Variants in ABL2 observed in about 807,000 individuals in gnomAD.
ABL2 encodes the protein tyrosine-protein kinase ABL2.
In ABL2, 49 loss-of-function variants were observed where a neutral mutation model predicts 107.7. The ratio of observed to expected loss-of-function variants is 0.45; its 90% CI spans 0.36 to 0.58. The LOEUF is 0.58. Ranked by LOEUF, ABL2 falls within the 20% of genes least tolerant of loss-of-function variation. The pLI is 0.00. For synonymous variants in ABL2, 549 were observed against 548.6 expected, an observed-to-expected ratio of 1.00 and a Z score of -0.01; for missense variants, 1,245 against 1,457.0, an observed-to-expected ratio of 0.85 and a Z score of 2.37.
chr1:179,129,962 C>G (rs933858170), intron 3 of ABL2, among the ~76,000 whole-genome samples: 1 of 152,070 alleles, frequency 6.6e-6, no homozygotes, highest in Admixed American at 6.6e-5. Flanking sequence ...TTTTAAGAGA[C>G]GGCATCTCAC....
intron 1 of ABL2, among the ~76,000 whole-genome samples, chr1:179,186,123 T>C (rs1660671510): frequency 6.6e-6 from 1 of 151,958 alleles, no homozygotes; most frequent in African/African-American, 2.4e-5. Context: ...GGCGTGTCTA[T>C]AATCCCAGCT....
In ABL2 at chr1:179,107,893, T is replaced by C. The variant is rs1653593523; in HGVS notation, c.3374A>G (p.Asp1125Gly). The C allele has an allele frequency of 1.9e-6, 3 of 1,614,190 alleles. No homozygotes were observed. The highest frequency in any genetic ancestry group is 1.7e-6 in the Non-Finnish European group (2 of 1,180,032). Residue 1125 changes from aspartate (D) to glycine (G), a missense_variant, in exon 12 of 12, where the codon GAC (aspartate) becomes GGC (glycine). This residue lies in a region of ABL2 where 761 missense variants were observed against 766.4 expected (regional missense o/e 0.99). Transcript: ENST00000502732. Reference sequence around the variant, plus strand: ...TTTGTTGCGAGTTTGAGGGATGCAGTCCACATAGCCTGAGCAGTAGTCAAG... The same window carrying C: ...TTTGTTGCGAGTTTGAGGGATGCAGCCCACATAGCCTGAGCAGTAGTCAAG... Reference protein sequence around the residue: ...QLLDYCSGYVDCIPQTRNKFA... With the variant: ...QLLDYCSGYVGCIPQTRNKFA...
At chr1:179,134,956 T>C (rs950731847) in intron 1 of ABL2, among the ~76,000 whole-genome samples, 7 of 152,232 alleles carry the variant, frequency 4.6e-5, no homozygotes, top group African/African-American at 1.7e-4. Flanking sequence ...GGTCTCCAGC[T>C]CCTAACCGCG....
intron 1 of ABL2, among the ~76,000 whole-genome samples, chr1:179,177,604 A>C (rs749689343): frequency 3.3e-5 from 5 of 152,230 alleles, no homozygotes; most frequent in Non-Finnish European, 7.3e-5. Context: ...ATTTAATTGG[A>C]GGTGGTAAAA....
intron 1 of ABL2, among the ~76,000 whole-genome samples, chr1:179,187,967 A>G (rs1660769947): frequency 6.6e-6 from 1 of 152,178 alleles, no homozygotes. Context: ...ACCAGTCATC[A>G]GCAATCCCCA....
rs566282785 is a variant in ABL2, at chr1:179,131,201, C to T, written c.391+110G>A. 5.6e-4 allele frequency: 706 copies of T among 1,253,970 alleles called. 6 individuals carry two copies. The South Asian group carries it at 7.9e-3, about 14-fold the overall frequency. The allele number at this position is 1,253,970 out of a possible 1,614,324, so 77.7% of individuals were successfully genotyped here. ...TCAGGTGACCTGCCCGCCTTGGCCT[C>T]CCAAAGTGCTGAGATTATAGGTGTG... On this transcript the variant is annotated intron_variant, in intron 3 of 11. Transcript: ENST00000502732.
intron 1 of ABL2, among the ~76,000 whole-genome samples, chr1:179,149,584 TA>T (rs1658239169): frequency 6.6e-6 from 1 of 152,222 alleles, no homozygotes; most frequent in Non-Finnish European, 1.5e-5. Flanking sequence ...ATTCTCTGGT[TA>T]GGGGTGAATG....
rs143147008 is a variant in ABL2 at position 179,106,415 on chromosome 1, T to C, written c.*1303A>G. The C allele has an allele frequency of 4.0e-3, 933 of 232,256 alleles. 8 individuals are homozygous for C. Among genetic ancestry groups the C allele is most frequent in the African/African-American group, 0.019 (859 of 45,368 alleles). 14.4% of individuals were successfully genotyped at this position (232,256 alleles called of 1,614,324 possible). A position where few individuals can be genotyped will look rare whatever the true frequency, so the allele number is the denominator to read the frequency against. On this transcript the variant is annotated 3_prime_UTR_variant, in exon 12 of 12. Transcript: ENST00000502732. ...CTCCTTCAATTATGCATTCTTAAAA[T>C]AGAAGTGAAATGACAAAATAAATAA...
chr1:179,182,580 G>A (rs1399016003), intron 1 of ABL2, among the ~76,000 whole-genome samples: 1 of 152,016 alleles, frequency 6.6e-6, no homozygotes, highest in Non-Finnish European at 1.5e-5. Context: ...TTCCATCCAC[G>A]TTGCCACAAA....
chr1:179,205,659 G>A lies in ABL2; in HGVS notation c.157+23582C>T, dbSNP rs114194679. ...GTAAGACCCACCTCCTGATCCATATGGGACATGTATTACAAGTGACAAACT... is the reference window on the plus strand; with the variant it reads ...GTAAGACCCACCTCCTGATCCATATAGGACATGTATTACAAGTGACAAACT... On this transcript the variant is annotated intron_variant, in intron 1 of 11. Transcript: ENST00000502732. Among the ~76,000 whole-genome samples, 319 of 152,286 alleles carry A rather than the reference G, an allele frequency of 2.1e-3. 2 individuals carry two copies. Among genetic ancestry groups the A allele is most frequent in the African/African-American group, 7.3e-3 (305 of 41,544 alleles).
chr1:179,136,170 G>A (rs529543710), intron 1 of ABL2, among the ~76,000 whole-genome samples: 16 of 152,062 alleles, frequency 1.1e-4, no homozygotes, highest in Non-Finnish European at 2.1e-4. Flanking sequence ...TGGGAAGTGA[G>A]GAGCCCCTCT....
At chr1:179,156,923 AAATAAAT>A (rs1362387974) in intron 1 of ABL2, among the ~76,000 whole-genome samples, 35 of 144,140 alleles carry the variant, frequency 2.4e-4, no homozygotes, top group African/African-American at 7.7e-4. Flanking sequence ...ATAAATAAAT[AAATAAAT>A]AAAACTCTAT....
chr1:179,131,123 T>G (rs1266388981), intron 3 of ABL2, 188 bp downstream of exon 3: 32 of 432,396 alleles, frequency 7.4e-5, no homozygotes, highest in Middle Eastern at 6.9e-4. Context: ...TTCATATTTT[T>G]ATTAGAGACA....
chr1:179,184,448 G>C, intron 1 of ABL2: 4 of 984,570 alleles, frequency 4.1e-6, no homozygotes, highest in Non-Finnish European at 4.6e-6. Context: ...TCTTTATCTG[G>C]TTTACTGACC....
chr1:179,191,712 C>T (rs1292893549), intron 1 of ABL2, among the ~76,000 whole-genome samples: 2 of 152,292 alleles, frequency 1.3e-5, no homozygotes, highest in Non-Finnish European at 2.9e-5. Flanking sequence ...GCATGAGCCA[C>T]CTTGTCCGGC....
At chr1:179,110,242 G>A (rs781014383) in intron 11 of ABL2, 40 bp downstream of exon 11, 7 of 1,610,410 alleles carry the variant, frequency 4.3e-6, no homozygotes, top group Admixed American at 3.3e-5. Context: ...TTTAAACAAG[G>A]CAGTTTCTAT....
At chr1:179,112,973 C>T (rs976103900) in intron 9 of ABL2, among the ~76,000 whole-genome samples, 1 of 152,106 alleles carries the variant, frequency 6.6e-6, no homozygotes, top group Non-Finnish European at 1.5e-5. Context: ...ATGCTGGTCT[C>T]GAACCCCTGA....
intron 1 of ABL2, among the ~76,000 whole-genome samples, chr1:179,143,380 T>C (rs1317173728): frequency 6.6e-6 from 1 of 152,240 alleles, no homozygotes; most frequent in Non-Finnish European, 1.5e-5. Flanking sequence ...TATATCTCTA[T>C]TTTATAGGGA....
intron 1 of ABL2, among the ~76,000 whole-genome samples, chr1:179,166,043 C>T (rs1200648747): frequency 2.6e-5 from 4 of 152,008 alleles, no homozygotes; most frequent in South Asian, 2.1e-4. Flanking sequence ...GTGATCTGCC[C>T]GCCTCGGCCT....
Sources: allele counts gnomAD v4.1 joint callset (sites outside exome capture counted in the v4.1 genomes callset), GRCh38; gene constraint gnomAD v4.1.1; regional missense constraint gnomAD v4.1.1; transcripts MANE v1.5; gene names NCBI Gene and HGNC (gene_info 2026-07-23, HGNC 2026-07-21).